TNRC6B: variants seen among roughly 807,000 people sequenced by gnomAD.
TNRC6B encodes the protein trinucleotide repeat containing adaptor 6B.
A neutral mutation model predicts 203.6 loss-of-function variants in TNRC6B; 52 were observed. That is an observed-to-expected ratio of 0.26 (90% CI 0.20 to 0.32). TNRC6B has a LOEUF of 0.32. Among genes scored for constraint, TNRC6B ranks in the 10% least tolerant of loss-of-function variants. The probability of loss-of-function intolerance (pLI) is 1.00; values close to 1 mark genes in which losing one functional copy is unlikely to be tolerated. For synonymous variants in TNRC6B, 838 were observed against 845.7 expected, an observed-to-expected ratio of 0.99 and a Z score of 0.16; for missense variants, 1,923 against 2,286.2, an observed-to-expected ratio of 0.84 and a Z score of 3.24.
chr22:40,177,334 G>C (rs1444589141), upstream of TNRC6B, among the ~76,000 whole-genome samples: 2 of 152,164 alleles, frequency 1.3e-5, no homozygotes, highest in East Asian at 3.8e-4. Context: ...AACAATAAGT[G>C]TAGAGTTCAG....
chr22:40,251,207 TC>T lies in TNRC6B; in HGVS notation c.115+8del. The T allele has an allele frequency of 2.6e-6, 4 of 1,526,032 alleles. No individual in the cohort carries two copies. In the South Asian group the frequency reaches 4.9e-5, roughly 19 times the overall value. 94.5% of individuals were successfully genotyped at this position (1,526,032 alleles called of 1,614,324 possible). On this transcript the variant is annotated splice_region_variant and intron_variant, in intron 3 of 22. Transcript: ENST00000454349. ...ACGGAACAAAAAACCAAAGGTAAGA[TC>T]TTTTTTTTCTTTTTAAATTATTTAG...
chr22:40,271,697 T>G (rs759525694), intron 6 of TNRC6B, among the ~76,000 whole-genome samples: 5 of 152,230 alleles, frequency 3.3e-5, no homozygotes, highest in Non-Finnish European at 7.3e-5. Context: ...TCATGTGTCT[T>G]TCCCAACCTC....
At chr22:40,256,047 T>C (rs1367693410) in intron 3 of TNRC6B, among the ~76,000 whole-genome samples, 1 of 152,122 alleles carries the variant, frequency 6.6e-6, no homozygotes, top group Admixed American at 6.6e-5. Context: ...AGAGACGGGG[T>C]TTCACTGTGT....
chr22:40,198,965 T>C (rs1236738272), intron 1 of TNRC6B, among the ~76,000 whole-genome samples: 9 of 151,950 alleles, frequency 5.9e-5, no homozygotes, highest in Non-Finnish European at 2.9e-5. Flanking sequence ...CCCAGCTGCT[T>C]GGAGAAATGG....
chr22:40,186,928 T>C (rs2069211833), intron 1 of TNRC6B, among the ~76,000 whole-genome samples: 1 of 152,164 alleles, frequency 6.6e-6, no homozygotes, highest in African/African-American at 2.4e-5. Flanking sequence ...ACATTTCAGT[T>C]CAAACATAAA....
At chr22:40,293,853 CA>C (rs2146538334) in intron 12 of TNRC6B, among the ~76,000 whole-genome samples, 1 of 151,346 alleles carries the variant, frequency 6.6e-6, no homozygotes, top group East Asian at 2.0e-4. Context: ...AGAATGATTT[CA>C]AAGGTAGAAT....
chr22:40,239,074 G>A (rs896995929), intron 1 of TNRC6B, among the ~76,000 whole-genome samples: 3 of 152,270 alleles, frequency 2.0e-5, no homozygotes, highest in African/African-American at 7.2e-5. Flanking sequence ...GTGGTGGCAG[G>A]CGCCTGTAAT....
chr22:40,265,405 A>G lies in TNRC6B; in HGVS notation c.1175A>G (p.Lys392Arg). The G allele has an allele frequency of 6.2e-7, 1 of 1,614,052 alleles. No homozygotes were observed. Among genetic ancestry groups the G allele is most frequent in the South Asian group, 1.1e-5 (1 of 91,084 alleles). Residue 392 changes from lysine (K) to arginine (R), a missense_variant, in exon 5 of 23, where the codon AAG (lysine) becomes AGG (arginine). Physicochemically the swap from Lys to Arg is conservative, Grantham distance 26. This residue lies in a region of TNRC6B where 614 missense variants were observed against 587.7 expected (regional missense o/e 1.04). Coordinates refer to ENST00000454349, the MANE Select transcript of TNRC6B (RefSeq NM_001162501.2). Reference protein sequence around the residue: ...NLSSPNPMENKGMPFGMGLGN... With the variant: ...NLSSPNPMENRGMPFGMGLGN... ...AGTTCACCAAACCCCATGGAGAATAAGGGAATGCCCTTTGGAATGGGCTTG... is the reference window on the plus strand; with the variant it reads ...AGTTCACCAAACCCCATGGAGAATAGGGGAATGCCCTTTGGAATGGGCTTG...
chr22:40,243,560 C>A (rs1254512697), intron 1 of TNRC6B, among the ~76,000 whole-genome samples: 1 of 152,082 alleles, frequency 6.6e-6, no homozygotes. Flanking sequence ...TTAAAACTTA[C>A]CCCTTTTTTT....
At chr22:40,158,153 C>T (rs769936170) in intron 4 of TNRC6B, among the ~76,000 whole-genome samples, 1 of 152,022 alleles carries the variant, frequency 6.6e-6, no homozygotes, top group African/African-American at 2.4e-5. Flanking sequence ...GCCTGACCAA[C>T]GTGGTGAAAC....
intron 17 of TNRC6B, among the ~76,000 whole-genome samples, chr22:40,311,971 A>G (rs1467333214): frequency 6.6e-6 from 1 of 152,254 alleles, no homozygotes; most frequent in Admixed American, 6.5e-5. Context: ...ATTGACCAAT[A>G]AAAAAATTCC....
Position 40,327,379 on chromosome 22 carries a change from G to C in TNRC6B, c.*4138G>C, listed in dbSNP as rs927170559. ...AGCAAGTTAATATGCTTATGTCTCA[G>C]TAATGTAGAATGCCAAGTTCCTTCC... On this transcript the variant is annotated 3_prime_UTR_variant, in exon 23 of 23. Transcript: ENST00000454349. 3.9e-5 allele frequency: 6 copies of C among 152,636 alleles called. No individual in the cohort carries two copies. The highest frequency in any genetic ancestry group is 3.9e-4 in the Admixed American group (6 of 15,288). 9.5% of individuals were successfully genotyped at this position (152,636 alleles called of 1,614,324 possible).
chr22:40,170,763 GTA>G lies in TNRC6B; in HGVS notation c.113+14588_113+14589del, dbSNP rs1491543125. ...TATCTATATATGTACATATATGTGTGTATATATACATATATGTACATATATGT... is the reference window on the plus strand; with the variant it reads ...TATCTATATATGTACATATATGTGTGTATATACATATATGTACATATATGT... On this transcript the variant is annotated intron_variant, in intron 4 of 23. Transcript: ENST00000301923. 5.0e-5 allele frequency among the ~76,000 whole-genome samples: 6 copies of G among 120,022 alleles called. No homozygotes were observed. In the East Asian group the frequency reaches 9.6e-4, roughly 19 times the overall value. The allele number at this position is 120,022 out of a possible 152,430, so 78.7% of individuals were successfully genotyped here. A position where few individuals can be genotyped will look rare whatever the true frequency, so the allele number is the denominator to read the frequency against.
chr22:40,187,453 A>C (rs2069218478), intron 1 of TNRC6B, among the ~76,000 whole-genome samples: 1 of 152,164 alleles, frequency 6.6e-6, no homozygotes, highest in South Asian at 2.1e-4. Flanking sequence ...GTTCCTAAAC[A>C]TACCGGTTTG....
At chr22:40,320,980 C>T in intron 21 of TNRC6B, 110 bp from the exon 22 acceptor site, 1 of 1,292,340 alleles carries the variant, frequency 7.7e-7, no homozygotes, top group Non-Finnish European at 1.1e-6. Context: ...TTTATGGAAA[C>T]TATTTGCAAA....
rs1050769072 is a variant in TNRC6B at position 40,296,119 on chromosome 22, T to C, written c.3709-4336T>C. Among the ~76,000 whole-genome samples the C allele has an allele frequency of 1.1e-4, 16 of 152,212 alleles. No homozygotes were observed. In the East Asian group the frequency reaches 2.1e-3, roughly 20 times the overall value. ...CAAAGCAGATAATGGAGAACGTGCG[T>C]ACTTCCTAATACCGAATTCCAGCCT... On this transcript the variant is annotated intron_variant, in intron 12 of 22. Coordinates refer to ENST00000454349, the MANE Select transcript of TNRC6B (RefSeq NM_001162501.2).
intron 1 of TNRC6B, among the ~76,000 whole-genome samples, chr22:40,195,979 G>A (rs753373037): frequency 6.5e-4 from 98 of 151,798 alleles, no homozygotes; most frequent in East Asian, 9.7e-4. Flanking sequence ...GGGTTTCACC[G>A]TGTTAGCCAG....
At chr22:40,182,477 A>T (rs984826263) in intron 1 of TNRC6B, among the ~76,000 whole-genome samples, 3 of 152,196 alleles carry the variant, frequency 2.0e-5, no homozygotes, top group African/African-American at 7.2e-5. Flanking sequence ...GGTGGAGTGA[A>T]TTGAAGCCAC....
At chr22:40,045,556 G>C (rs1174028495) in intron 1 of TNRC6B, 2 of 152,364 alleles carry the variant, frequency 1.3e-5, no homozygotes, top group Admixed American at 6.5e-5. Context: ...CCTGCGCAGC[G>C]TCCCGGCCTG....
Sources: allele counts gnomAD v4.1 joint callset (sites outside exome capture counted in the v4.1 genomes callset), GRCh38; gene constraint gnomAD v4.1.1; regional missense constraint gnomAD v4.1.1; transcripts MANE v1.5; gene names NCBI Gene and HGNC (gene_info 2026-07-23, HGNC 2026-07-21).